ARMCX4: variants seen among roughly 807,000 people sequenced by gnomAD.
The protein encoded by ARMCX4 is armadillo repeat containing X-linked 4, also known as armadillo repeat-containing X-linked protein 4.
A neutral mutation model predicts 34.7 loss-of-function variants in ARMCX4; 3 were observed. That is an observed-to-expected ratio of 0.09 (90% confidence interval 0.04 to 0.22). ARMCX4 has a LOEUF of 0.22. Ranked by LOEUF, ARMCX4 falls within the 10% of genes least tolerant of loss-of-function variation. The pLI is 1.00. For missense variants in ARMCX4, 1,448 were observed against 1,720.8 expected, an observed-to-expected ratio of 0.84 and a Z score of 2.81; for synonymous variants, 513 against 632.8, an observed-to-expected ratio of 0.81 and a Z score of 2.84.
At chrX:101,433,001 T>TATATACACACATGTATACATACAC (rs1569314946) in intron 2 of ARMCX4, among the ~76,000 whole-genome samples, 2 of 57,800 alleles carry the variant, frequency 3.5e-5, no homozygotes, top group Non-Finnish European at 8.1e-5. Flanking sequence ...TATACATATA[T>TATATACACACATGTATACATACAC]GTGTATATAT....
intron 4 of ARMCX4, among the ~76,000 whole-genome samples, chrX:101,459,033 C>T (rs782365862): frequency 1.8e-5 from 2 of 111,506 alleles, no homozygotes; most frequent in Non-Finnish European, 3.8e-5. Flanking sequence ...CCTGATAATA[C>T]TGGGTATAAG....
chrX:101,467,520 A>C (rs781819514), intron 4 of ARMCX4, among the ~76,000 whole-genome samples: 5 of 112,017 alleles, frequency 4.5e-5, no homozygotes, highest in Non-Finnish European at 9.4e-5. Flanking sequence ...CTAGGAAAAA[A>C]ATCCCAACCA....
chrX:101,523,951 T>TCC (rs1934909855), intron 11 of ARMCX4, among the ~76,000 whole-genome samples: 2 of 109,691 alleles, frequency 1.8e-5, no homozygotes, highest in African/African-American at 6.7e-5. Context: ...CTTTTTTTTT[T>TCC]CCCCCTTTTC....
chrX:101,490,932 G>T lies in ARMCX4; in HGVS notation c.2343G>T (p.Gly781=). The change falls in exon 6 of 6, where the codon GGG becomes GGT. Residue 781 remains glycine (G), a synonymous_variant. Transcript: ENST00000423738. Reference sequence around the variant, plus strand: ...ATGCTGTGTCTAAGGCAGAAGCTGGGATGGGTGCAACAGGCTCTGTCCAGC... The same window carrying T: ...ATGCTGTGTCTAAGGCAGAAGCTGGTATGGGTGCAACAGGCTCTGTCCAGC... ...NLNAVSKAEA[G]MGATGSVQPQ... 2 of 1,153,838 alleles carry T rather than the reference G, an allele frequency of 1.7e-6. No individual in the cohort carries two copies. The highest frequency in any genetic ancestry group is 3.6e-5 in the African/African-American group (2 of 55,745).
chrX:101,514,257 G>A (rs1235348258), intron 11 of ARMCX4, among the ~76,000 whole-genome samples: 4 of 111,259 alleles, frequency 3.6e-5, no homozygotes, highest in Non-Finnish European at 7.5e-5. Context: ...AGGGGTGATA[G>A]AGAGTGATGC....
chrX:101,442,928 C>T (rs1177019330), intron 2 of ARMCX4, among the ~76,000 whole-genome samples: 6 of 110,177 alleles, frequency 5.4e-5, no homozygotes, highest in Non-Finnish European at 7.6e-5. Flanking sequence ...GTCAGGAGAT[C>T]GAGACCATCC....
rs1603215922 is a variant in ARMCX4, at chrX:101,494,666, G to A, written c.6077G>A (p.Arg2026Gln). Residue 2026 changes from arginine to glutamine, a missense_variant, in exon 6 of 6, where the codon CGG becomes CAG. Physicochemically the swap from Arg to Gln is conservative, Grantham distance 43. Coordinates refer to ENST00000423738, the MANE Select transcript of ARMCX4 (RefSeq NM_001256155.3). ...CAAACCAGGACTGGGGAAAAAACTCGGCCCTGGTCTTGCCGCTGTAAACAC... is the reference window on the plus strand; with the variant it reads ...CAAACCAGGACTGGGGAAAAAACTCAGCCCTGGTCTTGCCGCTGTAAACAC... ...RKQTRTGEKT[R>Q]PWSCRCKHEA... is the part of the protein sequence containing the mutation. The A allele has an allele frequency of 2.6e-6, 3 of 1,153,900 alleles. No individual in the cohort carries two copies. The highest frequency in any genetic ancestry group is 3.3e-5 in the East Asian group (1 of 30,725).
intron 4 of ARMCX4, among the ~76,000 whole-genome samples, chrX:101,459,615 T>C (rs1556000935): frequency 8.9e-6 from 1 of 112,251 alleles, no homozygotes; most frequent in African/African-American, 3.2e-5. Context: ...CTCATTATGT[T>C]CTCTCTTAGA....
intron 2 of ARMCX4, among the ~76,000 whole-genome samples, chrX:101,425,165 C>T (rs1462991866): frequency 1.8e-5 from 2 of 111,467 alleles, no homozygotes; most frequent in Non-Finnish European, 3.8e-5. Flanking sequence ...TTAGGAGGGA[C>T]TTGTGTCATT....
intron 11 of ARMCX4, among the ~76,000 whole-genome samples, chrX:101,519,889 T>G (rs1556018706): frequency 9.0e-6 from 1 of 111,159 alleles, no homozygotes; most frequent in Non-Finnish European, 1.9e-5. Flanking sequence ...TATCTCATTG[T>G]GGTTTTGATT....
At chrX:101,503,293 A>G (rs1934352352) in intron 7 of ARMCX4, among the ~76,000 whole-genome samples, 1 of 111,134 alleles carries the variant, frequency 9.0e-6, no homozygotes, top group Non-Finnish European at 1.9e-5. Context: ...TCCTTTGGGT[A>G]TATACGCAGT....
Position 101,487,479 on chromosome X carries a change from A to T in ARMCX4, c.-286-129A>T, listed in dbSNP as rs782700116. 11 of 243,354 alleles carry T rather than the reference A, an allele frequency of 4.5e-5. No homozygotes were observed. In the East Asian group the frequency reaches 1.3e-3, roughly 29 times the overall value. 20.1% of individuals were successfully genotyped at this position (243,354 alleles called of 1,213,427 possible). A position where few individuals can be genotyped will look rare whatever the true frequency, so the allele number is the denominator to read the frequency against. ...GGGAAGACTTGATGGGGGGACCATG[A>T]GATGGTACACATTAGTATATAGAAC... is the stretch of plus-strand genomic sequence containing the variant. On this transcript the variant is annotated intron_variant, in intron 3 of 5. Coordinates refer to ENST00000423738, the MANE Select transcript of ARMCX4 (RefSeq NM_001256155.3).
chrX:101,483,667 C>G (rs782602598), upstream of ARMCX4, among the ~76,000 whole-genome samples: 1 of 109,878 alleles, frequency 9.1e-6, no homozygotes, highest in Non-Finnish European at 1.9e-5. Context: ...ACAAGTTAGC[C>G]TTTTGACAGT....
At position 101,493,937 on chromosome X, in the gene ARMCX4, T is replaced by C. The variant is rs1556010634; in HGVS notation, c.5348T>C (p.Ile1783Thr). 2 of 1,110,043 alleles carry C rather than the reference T, an allele frequency of 1.8e-6. No homozygotes were observed. Among genetic ancestry groups the C allele is most frequent in the Admixed American group, 2.8e-5 (1 of 35,989 alleles). The allele number at this position is 1,110,043 out of a possible 1,213,427, so 91.5% of individuals were successfully genotyped here. A position where few individuals can be genotyped will look rare whatever the true frequency, so the allele number is the denominator to read the frequency against. The change falls in exon 6 of 6, where the codon ATT becomes ACT. Residue 1783 changes from isoleucine to threonine, a missense_variant. By Grantham distance (89) the Ile-to-Thr change is moderately conservative. Coordinates refer to ENST00000423738, the MANE Select transcript of ARMCX4 (RefSeq NM_001256155.3). ...AGEEAMICSR[I>T]EAENKASSGS... ...GAAGAGGCCATGATTTGTTCTAGGA[T>C]TGAGGCTGAGAACAAGGCTAGTAGT... is the stretch of plus-strand genomic sequence containing the variant.
At chrX:101,450,693 G>T (rs1369980794), downstream of ARMCX4, among the ~76,000 whole-genome samples, 2 of 112,115 alleles carry the variant, frequency 1.8e-5, no homozygotes, top group African/African-American at 3.2e-5. Flanking sequence ...CCTGAAACCA[G>T]CACATCTCAG....
At chrX:101,428,381 G>T in intron 2 of ARMCX4, among the ~76,000 whole-genome samples, 1 of 112,183 alleles carries the variant, frequency 8.9e-6, no homozygotes, top group South Asian at 3.7e-4. Flanking sequence ...TGAAGGTGAG[G>T]ATTAACTAGG....
intron 11 of ARMCX4, among the ~76,000 whole-genome samples, chrX:101,522,180 T>A (rs1399882842): frequency 8.9e-6 from 1 of 112,003 alleles, no homozygotes; most frequent in East Asian, 2.8e-4. Flanking sequence ...TGGGGATTTG[T>A]CATGAAGTAC....
intron 11 of ARMCX4, among the ~76,000 whole-genome samples, chrX:101,514,894 C>A (rs1556017245): frequency 9.0e-6 from 1 of 111,521 alleles, no homozygotes; most frequent in African/African-American, 3.3e-5. Context: ...GGTTTAAATT[C>A]CTTAACGAAG....
intron 2 of ARMCX4, among the ~76,000 whole-genome samples, chrX:101,430,523 A>C (rs1356809192): frequency 2.7e-5 from 3 of 112,519 alleles, no homozygotes; most frequent in Non-Finnish European, 5.6e-5. Context: ...CCATCCATTG[A>C]TTTTATTTCT....
Sources: allele counts gnomAD v4.1 joint callset (sites outside exome capture counted in the v4.1 genomes callset), GRCh38; gene constraint gnomAD v4.1.1; transcripts MANE v1.5; gene names NCBI Gene and HGNC (gene_info 2026-07-23, HGNC 2026-07-21).